TSPAN14: variants seen among roughly 807,000 people sequenced by gnomAD.
TSPAN14 encodes tetraspanin-14.
A neutral mutation model predicts 36.6 loss-of-function variants in TSPAN14; 16 were observed. That is an observed-to-expected ratio of 0.44 (90% confidence interval 0.30 to 0.66). The LOEUF is 0.66. TSPAN14 is among the 30% of genes least tolerant of loss of function. TSPAN14 has a pLI of 0.12. For synonymous variants in TSPAN14, 139 were observed against 143.8 expected, an observed-to-expected ratio of 0.97 and a Z score of 0.24; for missense variants, 231 against 355.1, an observed-to-expected ratio of 0.65 and a Z score of 2.81.
At chr10:80,520,752 A>G (rs1199424211) in exon 9 of TSPAN14, 5 of 532,806 alleles carry the variant, frequency 9.4e-6, no homozygotes, top group Admixed American at 3.9e-5. Flanking sequence ...CTTCCTTTGC[A>G]CCACCCACCA....
chr10:80,502,948 G>A (rs138979735), intron 2 of TSPAN14, among the ~76,000 whole-genome samples: 159 of 152,194 alleles, frequency 1.0e-3, no homozygotes, highest in African/African-American at 3.7e-3. Flanking sequence ...AGGGAGGAAG[G>A]CAGTCAGGGG....
At chr10:80,504,157 T>G (rs1285656868) in intron 2 of TSPAN14, among the ~76,000 whole-genome samples, 2 of 152,174 alleles carry the variant, frequency 1.3e-5, no homozygotes, top group Non-Finnish European at 2.9e-5. Flanking sequence ...TAGTTAACAG[T>G]AGGGAGGAGG....
At position 80,460,695 on chromosome 10, in the gene TSPAN14, C is replaced by T. The variant is rs564629708; in HGVS notation, c.-18+6324C>T. ...TTTTCAGCATCTGCTGGCCCCTTGTCCCTTGGCTCCCTTGCTCTTGGCCTG... is the reference window on the plus strand; with the variant it reads ...TTTTCAGCATCTGCTGGCCCCTTGTTCCTTGGCTCCCTTGCTCTTGGCCTG... On this transcript the variant is annotated intron_variant, in intron 1 of 8. Coordinates refer to ENST00000429989, the Ensembl canonical transcript of TSPAN14. Among the ~76,000 whole-genome samples the T allele has an allele frequency of 1.2e-3, 181 of 152,306 alleles. 1 individual carries two copies. The highest frequency in any genetic ancestry group is 4.3e-3 in the African/African-American group (177 of 41,566).
intron 2 of TSPAN14, among the ~76,000 whole-genome samples, chr10:80,491,176 G>A (rs1193007459): frequency 6.6e-6 from 1 of 152,222 alleles, no homozygotes; most frequent in Non-Finnish European, 1.5e-5. Flanking sequence ...ATCTTTTCCT[G>A]TGGTCCGATA....
At chr10:80,495,763 T>A (rs947086710) in intron 2 of TSPAN14, among the ~76,000 whole-genome samples, 1 of 152,220 alleles carries the variant, frequency 6.6e-6, no homozygotes, top group Non-Finnish European at 1.5e-5. Context: ...TTTATAATGA[T>A]CACTTCTGTT....
intron 1 of TSPAN14, among the ~76,000 whole-genome samples, chr10:80,467,801 G>T (rs1846325024): frequency 1.3e-5 from 2 of 152,128 alleles, no homozygotes. Context: ...CGCTGAGTGT[G>T]GCCCCTGGAG....
At chr10:80,496,868 C>A (rs1848223740) in intron 2 of TSPAN14, among the ~76,000 whole-genome samples, 1 of 151,996 alleles carries the variant, frequency 6.6e-6, no homozygotes, top group Admixed American at 6.5e-5. Flanking sequence ...CCTTTAAATT[C>A]CTGAACATAT....
chr10:80,520,780 A>G (rs764579667), exon 9 of TSPAN14: 1 of 533,444 alleles, frequency 1.9e-6, no homozygotes, highest in Non-Finnish European at 3.8e-6. Flanking sequence ...CGTAGCTGAA[A>G]GCTGCTTATC....
intron 1 of TSPAN14, among the ~76,000 whole-genome samples, chr10:80,461,880 G>C (rs191299684): frequency 6.6e-6 from 1 of 151,776 alleles, no homozygotes; most frequent in Non-Finnish European, 1.5e-5. Context: ...TCAGGTGCCA[G>C]TATGGTTCTC....
At chr10:80,502,420 C>A (rs1289396953) in intron 2 of TSPAN14, among the ~76,000 whole-genome samples, 1 of 152,094 alleles carries the variant, frequency 6.6e-6, no homozygotes, top group Non-Finnish European at 1.5e-5. Context: ...CAGTGAGGAG[C>A]CCCGTGGGAT....
At chr10:80,470,031 T>C (rs992788109) in intron 1 of TSPAN14, among the ~76,000 whole-genome samples, 6 of 152,198 alleles carry the variant, frequency 3.9e-5, no homozygotes, top group Non-Finnish European at 8.8e-5. Context: ...AGATTACTTA[T>C]AATAACTAAT....
At chr10:80,507,173 C>G in intron 3 of TSPAN14, 55 bp from the exon 4 acceptor site, 1 of 1,607,402 alleles carries the variant, frequency 6.2e-7, no homozygotes. Context: ...CCCAGGGCAG[C>G]ATCCTTGACT....
exon 9 of TSPAN14, chr10:80,520,486 C>T (rs767522206): frequency 4.4e-6 from 2 of 457,050 alleles, no homozygotes; most frequent in South Asian, 1.7e-5. Context: ...CCCCGCCTTC[C>T]CTGGTTGGAG....
intron 2 of TSPAN14, among the ~76,000 whole-genome samples, chr10:80,497,229 A>G (rs1564734232): frequency 6.6e-6 from 1 of 152,336 alleles, no homozygotes; most frequent in Middle Eastern, 3.4e-3. Flanking sequence ...ATAAAAACAT[A>G]CCAGTGTTGG....
intron 2 of TSPAN14, among the ~76,000 whole-genome samples, chr10:80,494,873 C>A (rs1848110086): frequency 6.6e-6 from 1 of 152,154 alleles, no homozygotes; most frequent in African/African-American, 2.4e-5. Flanking sequence ...CGTGGAAATT[C>A]ATAAAGGCTA....
chr10:80,494,880 G>C (rs891465768), intron 2 of TSPAN14, among the ~76,000 whole-genome samples: 1 of 152,126 alleles, frequency 6.6e-6, no homozygotes, highest in Non-Finnish European at 1.5e-5. Flanking sequence ...ATTCATAAAG[G>C]CTAAACAAGG....
intron 1 of TSPAN14, among the ~76,000 whole-genome samples, chr10:80,480,480 C>T (rs184873084): frequency 0.017 from 2,644 of 152,262 alleles, 67 homozygotes; most frequent in African/African-American, 0.061. Flanking sequence ...CACATGCACA[C>T]GTATGTTTAT....
intron 2 of TSPAN14, among the ~76,000 whole-genome samples, chr10:80,492,455 C>T (rs1383874507): frequency 6.6e-6 from 1 of 152,188 alleles, no homozygotes; most frequent in Non-Finnish European, 1.5e-5. Context: ...CAACTTGTTG[C>T]TTCTGTGACC....
At chr10:80,460,869 G>A (rs1003198162) in intron 1 of TSPAN14, among the ~76,000 whole-genome samples, 1 of 152,178 alleles carries the variant, frequency 6.6e-6, no homozygotes, top group African/African-American at 2.4e-5. Flanking sequence ...GGGCAAACCA[G>A]TCTGACAACT....
Sources: allele counts gnomAD v4.1 joint callset (sites outside exome capture counted in the v4.1 genomes callset), GRCh38; gene constraint gnomAD v4.1.1; transcripts MANE v1.5; gene names NCBI Gene and HGNC (gene_info 2026-07-23, HGNC 2026-07-21).